Variants in CCDC171 observed in about 807,000 individuals in gnomAD.
CCDC171 encodes the protein coiled-coil domain-containing protein 171.
In CCDC171, 177 loss-of-function variants were observed where a neutral mutation model predicts 168.2. The observed-to-expected ratio is 1.05, with a 90% confidence interval of 0.93 to 1.19. CCDC171 has a LOEUF of 1.19. Among genes scored for constraint, CCDC171 ranks in the 50% most tolerant of loss-of-function variants. CCDC171 has a pLI of 0.00. For synonymous variants in CCDC171, 687 were observed against 540.8 expected (o/e 1.27, Z -3.75); for missense variants, 1,991 against 1,539.0 (o/e 1.29, Z -4.91).
chr9:15,994,222 G>A (rs1832298001), intron 3 of CCDC171, among the ~76,000 whole-genome samples: 1 of 152,204 alleles, frequency 6.6e-6, no homozygotes, highest in South Asian at 2.1e-4. Context: ...TTAAGAAAAT[G>A]TGGCCCATAT....
chr9:16,036,405 G>A (rs1185561848), intron 8 of CCDC171, among the ~76,000 whole-genome samples: 1 of 152,206 alleles, frequency 6.6e-6, no homozygotes, highest in Non-Finnish European at 1.5e-5. Context: ...GGCAATTTGG[G>A]AGGCCAAGGC....
At position 15,818,261 on chromosome 9, in the gene CCDC171, T is replaced by G. The variant is rs572632106; in HGVS notation, c.3268-28441T>G. On this transcript the variant is annotated intron_variant, in intron 21 of 25. Coordinates refer to ENST00000380701, the MANE Select transcript of CCDC171 (RefSeq NM_173550.4). The stretch of plus-strand genomic sequence containing the variant: ...AGATAGGGAAAAAACAGAGCAGAAA[T>G]ACTGGAAACTGTAAAAAACAGAGTG... Among the ~76,000 whole-genome samples, 139 of 116,020 alleles carry G rather than the reference T, an allele frequency of 1.2e-3. 33 individuals carry two copies. Among genetic ancestry groups the G allele is most frequent in the African/African-American group, 4.3e-3 (131 of 30,726 alleles). 76.1% of individuals were successfully genotyped at this position (116,020 alleles called of 152,430 possible). A position where few individuals can be genotyped will look rare whatever the true frequency, so the allele number is the denominator to read the frequency against.
At chr9:15,602,088 G>A (rs1272886907) in intron 6 of CCDC171, among the ~76,000 whole-genome samples, 1 of 152,162 alleles carries the variant, frequency 6.6e-6, no homozygotes, top group African/African-American at 2.4e-5. Context: ...TGCTGCTTTT[G>A]TAAGGTAAAT....
intron 25 of CCDC171, among the ~76,000 whole-genome samples, chr9:15,944,293 C>G (rs145918667): frequency 2.8e-4 from 43 of 151,994 alleles, no homozygotes; most frequent in African/African-American, 8.0e-4. Context: ...ATTATTGAAG[C>G]CTTCTTGTGA....
At position 15,623,342 on chromosome 9, in the gene CCDC171, CT is replaced by C; in HGVS notation, c.755del (p.Leu252TyrfsTer27). Reference sequence around the variant, plus strand: ...AACAGAACATATGGACTGCTCTGACCTTTTACGGCGACAAACAAGTGAACTT... The same window carrying C: ...AACAGAACATATGGACTGCTCTGACCTTTACGGCGACAAACAAGTGAACTT... ...LETEHMDCSD[L>X]LRRQTSELEF... On this transcript the variant is annotated frameshift_variant, in exon 7 of 26. Transcript: ENST00000380701. LOFTEE classifies it high-confidence loss of function. 6.2e-7 allele frequency: 1 copy of C among 1,611,676 alleles called. No homozygotes were observed. Among genetic ancestry groups the C allele is most frequent in the South Asian group, 1.1e-5 (1 of 90,682 alleles).
chr9:15,964,517 G>C (rs2987009), intron 25 of CCDC171, among the ~76,000 whole-genome samples: 79,820 of 151,902 alleles, frequency 0.53, 22,291 homozygotes, highest in African/African-American at 0.73. Flanking sequence ...TTCTGGCACT[G>C]TCTACCATCA....
intron 3 of CCDC171, among the ~76,000 whole-genome samples, chr9:15,982,655 T>C (rs1831836839): frequency 6.6e-6 from 1 of 152,150 alleles, no homozygotes; most frequent in African/African-American, 2.4e-5. Flanking sequence ...TCTCTGGGCC[T>C]TTCTGTGCCT....
intron 21 of CCDC171, among the ~76,000 whole-genome samples, chr9:15,810,433 C>T (rs769981761): frequency 3.7e-5 from 5 of 136,578 alleles, no homozygotes; most frequent in South Asian, 2.6e-4. Flanking sequence ...TGGGACCGGG[C>T]GCTGTGGAGC....
chr9:15,904,101 T>C (rs1822135684), intron 24 of CCDC171, among the ~76,000 whole-genome samples: 2 of 152,172 alleles, frequency 1.3e-5, no homozygotes, highest in Non-Finnish European at 1.5e-5. Flanking sequence ...GAAAACACTC[T>C]TCAGGATATT....
At position 15,709,955 on chromosome 9, in the gene CCDC171, A is replaced by C. The variant is rs1174199320; in HGVS notation, c.1319-11814A>C. Among the ~76,000 whole-genome samples, 3 of 152,254 alleles carry C rather than the reference A, an allele frequency of 2.0e-5. No individual in the cohort carries two copies. The East Asian group carries it at 5.8e-4, about 29-fold the overall frequency. On this transcript the variant is annotated intron_variant, in intron 11 of 25. Transcript: ENST00000380701. ...TCAACTTAAGAACCAATTTTGTTTC[A>C]TCTACTTCCCCTCTGCTGTATTATA...
chr9:15,749,516 A>C (rs199945201), intron 18 of CCDC171, among the ~76,000 whole-genome samples: 1 of 152,108 alleles, frequency 6.6e-6, no homozygotes, highest in African/African-American at 2.4e-5. Flanking sequence ...CAAAGGAATA[A>C]ACATTCTTCT....
intron 6 of CCDC171, among the ~76,000 whole-genome samples, chr9:16,028,827 T>C (rs1467823783): frequency 2.0e-5 from 3 of 152,198 alleles, no homozygotes; most frequent in African/African-American, 7.2e-5. Flanking sequence ...ACCTCTCTGA[T>C]GGACGACTTT....
chr9:15,647,541 A>T (rs905831528), intron 7 of CCDC171, among the ~76,000 whole-genome samples: 1 of 152,160 alleles, frequency 6.6e-6, no homozygotes, highest in Non-Finnish European at 1.5e-5. Flanking sequence ...TCAAATAGAC[A>T]CAATAAAAAA....
At chr9:15,900,967 T>G (rs978826226) in intron 24 of CCDC171, among the ~76,000 whole-genome samples, 2 of 152,130 alleles carry the variant, frequency 1.3e-5, no homozygotes, top group African/African-American at 4.8e-5. Flanking sequence ...GGGAGTAGTC[T>G]CCAAACTTTT....
chr9:15,736,366 T>C lies in CCDC171; in HGVS notation c.2049+6568T>C, dbSNP rs2054490961. 2.6e-5 allele frequency among the ~76,000 whole-genome samples: 4 copies of C among 152,160 alleles called. No individual in the cohort carries two copies. The South Asian group carries it at 6.2e-4, about 24-fold the overall frequency. On this transcript the variant is annotated intron_variant, in intron 16 of 25. Transcript: ENST00000380701. Reference sequence around the variant, plus strand: ...TATGGAACTCATATTCCTTTTTTTTTTGGAGCTAGTACCTCACTACATTGC... The same window carrying C: ...TATGGAACTCATATTCCTTTTTTTTCTGGAGCTAGTACCTCACTACATTGC...
At chr9:15,710,055 A>C (rs1489046109) in intron 11 of CCDC171, among the ~76,000 whole-genome samples, 1 of 152,184 alleles carries the variant, frequency 6.6e-6, no homozygotes, top group Non-Finnish European at 1.5e-5. Context: ...TATTGAAAAC[A>C]TGAAAATATG....
At chr9:15,789,691 T>C (rs1314065573) in intron 21 of CCDC171, among the ~76,000 whole-genome samples, 2 of 152,192 alleles carry the variant, frequency 1.3e-5, no homozygotes, top group Non-Finnish European at 2.9e-5. Flanking sequence ...CATGTTGATG[T>C]GCTGCACCCA....
chr9:15,901,680 GT>G (rs1307062471), intron 24 of CCDC171, among the ~76,000 whole-genome samples: 7 of 152,002 alleles, frequency 4.6e-5, no homozygotes, highest in African/African-American at 1.7e-4. Flanking sequence ...CTTTACTATA[GT>G]TTGGCACTGA....
intron 7 of CCDC171, among the ~76,000 whole-genome samples, chr9:15,652,973 G>A (rs1424072680): frequency 6.6e-6 from 1 of 151,972 alleles, no homozygotes; most frequent in African/African-American, 2.4e-5. Flanking sequence ...AGAAGGGTGG[G>A]AAAAAAGTGA....
Sources: gnomAD v4.1 joint callset for allele counts (sites outside exome capture counted in the v4.1 genomes callset) on GRCh38, gnomAD v4.1.1 for gene constraint, MANE v1.5 for transcripts, NCBI Gene and HGNC (gene_info 2026-07-23, HGNC 2026-07-21) for gene names.